The following PAXIP1 variants were observed in gnomAD, a reference collection of about 807,000 sequenced individuals.
PAXIP1 encodes PAX interacting protein 1.
A neutral mutation model predicts 140.6 loss-of-function variants in PAXIP1; 19 were observed. That is an observed-to-expected ratio of 0.14 (90% CI 0.09 to 0.20). The LOEUF (loss-of-function observed/expected upper bound fraction) is 0.20, where lower values mean the gene tolerates loss of function less well. PAXIP1 is among the 10% of genes least tolerant of loss of function. The probability of loss-of-function intolerance (pLI) is 1.00; values close to 1 mark genes in which losing one functional copy is unlikely to be tolerated. For missense variants in PAXIP1, 920 were observed against 1,208.6 expected, an observed-to-expected ratio of 0.76 and a Z score of 3.54; for synonymous variants, 442 against 444.6, an observed-to-expected ratio of 0.99 and a Z score of 0.07.
At chr7:154,984,828 A>G (rs150025001) in intron 4 of PAXIP1, among the ~76,000 whole-genome samples, 4 of 152,322 alleles carry the variant, frequency 2.6e-5, no homozygotes, top group Non-Finnish European at 5.9e-5. Context: ...TATTACCAAG[A>G]TTTGCCTATC....
intron 9 of PAXIP1, 135 bp from the exon 10 acceptor site, chr7:154,962,593 G>T: frequency 1.5e-6 from 1 of 677,702 alleles, no homozygotes; most frequent in Non-Finnish European, 2.4e-6. Flanking sequence ...TCTAGCACTT[G>T]ATTAAAGTAA....
intron 5 of PAXIP1, among the ~76,000 whole-genome samples, chr7:154,982,387 G>A (rs920912380): frequency 4.0e-5 from 6 of 151,774 alleles, no homozygotes; most frequent in Non-Finnish European, 5.9e-5. Flanking sequence ...AGTCTCACTC[G>A]GTCATCCAGA....
At chr7:154,969,304 C>T (rs150480500) in intron 6 of PAXIP1, among the ~76,000 whole-genome samples, 178 bp from the exon 7 acceptor site, 244 of 152,322 alleles carry the variant, frequency 1.6e-3, no homozygotes, top group African/African-American at 5.1e-3. Context: ...TATTTTGTAA[C>T]GCCAATATCG....
intron 16 of PAXIP1, chr7:154,948,262 C>T (rs1257680698): frequency 2.5e-5 from 10 of 408,108 alleles, no homozygotes; most frequent in South Asian, 8.9e-5. Flanking sequence ...TTGAAAAAAA[C>T]GGGCTGGGTG....
intron 8 of PAXIP1, chr7:154,967,569 G>A: frequency 2.1e-6 from 1 of 467,430 alleles, no homozygotes; most frequent in African/African-American, 2.0e-5. Context: ...CATATAATTA[G>A]TGCCCCCTGG....
chr7:154,984,548 C>T (rs2150775054), intron 4 of PAXIP1, among the ~76,000 whole-genome samples: 1 of 152,330 alleles, frequency 6.6e-6, no homozygotes. Context: ...TTCTGTATTA[C>T]ACACTATTCT....
At chr7:154,966,743 A>T (rs893548562) in intron 8 of PAXIP1, among the ~76,000 whole-genome samples, 1 of 151,996 alleles carries the variant, frequency 6.6e-6, no homozygotes. Context: ...CTCCCTGGTC[A>T]CCCTCAGATT....
Position 154,954,565 on chromosome 7 carries a change from TAAAAC to T in PAXIP1, c.2653-147_2653-143del. ...CAGCCACAGAAAACAGTGTGACAGG[TAAAAC>T]AAAACCTGTAACTACAAGAGAAAAA... On this transcript the variant is annotated intron_variant, in intron 15 of 20. Coordinates refer to ENST00000404141, the MANE Select transcript of PAXIP1 (RefSeq NM_007349.4). This position sits in a 1 kb window ranked among gnomAD's most constrained non-coding sequence, Gnocchi z 5.1. 1 of 472,002 alleles carries T rather than the reference TAAAAC, an allele frequency of 2.1e-6. No homozygotes were observed. The highest frequency in any genetic ancestry group is 3.5e-6 in the Non-Finnish European group (1 of 282,816). The allele number at this position is 472,002 out of a possible 1,614,324, so 29.2% of individuals were successfully genotyped here.
chr7:154,962,309 ACT>A lies in PAXIP1; in HGVS notation c.2127+10_2127+11del, dbSNP rs749938883. On this transcript the variant is annotated intron_variant, in intron 10 of 20. Transcript: ENST00000404141. Reference sequence around the variant, plus strand: ...ATGATTTAACAAATGGAACGCGAGGACTCTGTCTTACATGCTGTGAACATGGC... The same window carrying A: ...ATGATTTAACAAATGGAACGCGAGGACTGTCTTACATGCTGTGAACATGGC... 9.9e-6 allele frequency: 16 copies of A among 1,611,282 alleles called. No homozygotes were observed. In the East Asian group the frequency reaches 3.3e-4, roughly 34 times the overall value.
At chr7:154,957,872 CAGG>C (rs1808592297) in intron 13 of PAXIP1, among the ~76,000 whole-genome samples, 1 of 147,790 alleles carries the variant, frequency 6.8e-6, no homozygotes, top group Admixed American at 7.0e-5. Flanking sequence ...GAGGCTGAGG[CAGG>C]AGAATGGCGT....
chr7:154,947,081 G>C (rs1808017358), intron 17 of PAXIP1: 1 of 305,378 alleles, frequency 3.3e-6, no homozygotes, highest in Non-Finnish European at 6.1e-6. Context: ...AAAGTGTTTT[G>C]TGAATAAGCA....
chr7:154,991,065 T>C lies in PAXIP1; in HGVS notation c.265A>G (p.Asn89Asp). Residue 89 changes from asparagine (N) to aspartate (D), a missense_variant, in exon 4 of 21, where the codon AAT becomes GAT. Physicochemically the swap from Asn to Asp is conservative, Grantham distance 23. This residue lies in a region of PAXIP1 where 419 missense variants were observed against 514.7 expected (regional missense o/e 0.81). Transcript: ENST00000404141. Reference protein sequence around the residue: ...SVQCGTLLPVNGFSPESCQIF... With the variant: ...SVQCGTLLPVDGFSPESCQIF... ...TGACATGATTCTGGAGAAAAACCAT[T>C]TACTCTGTTTTATAGTTATTAAGAT... 6.7e-7 allele frequency: 1 copy of C among 1,502,668 alleles called. No homozygotes were observed. Among genetic ancestry groups the C allele is most frequent in the African/African-American group, 1.4e-5 (1 of 71,628 alleles). 93.1% of individuals were successfully genotyped at this position (1,502,668 alleles called of 1,614,324 possible).
At position 154,946,508 on chromosome 7, in the gene PAXIP1, G is replaced by T; in HGVS notation, c.3133+4C>A. On this transcript the variant is annotated splice_donor_region_variant and intron_variant, in intron 19 of 20. Transcript: ENST00000404141. This position sits in a 1 kb window ranked among gnomAD's most constrained non-coding sequence, Gnocchi z 4.9. Reference sequence around the variant, plus strand: ...TACTCACACAGGTAAGCGGGGAAACGTACCTATGCCTCTGGCAAAATATTC... The same window carrying T: ...TACTCACACAGGTAAGCGGGGAAACTTACCTATGCCTCTGGCAAAATATTC... The T allele has an allele frequency of 6.2e-7, 1 of 1,613,344 alleles. No homozygotes were observed.
chr7:154,961,103 T>C (rs1025597247), intron 11 of PAXIP1, 26 bp from the exon 12 acceptor site: 19 of 1,468,302 alleles, frequency 1.3e-5, no homozygotes, highest in Non-Finnish European at 1.6e-5. Context: ...GGAGAAAACA[T>C]ATTTATTAAA....
intron 5 of PAXIP1, among the ~76,000 whole-genome samples, chr7:154,977,393 G>A (rs1450162524): frequency 6.6e-6 from 1 of 152,160 alleles, no homozygotes; most frequent in Non-Finnish European, 1.5e-5. Context: ...AGAGCCCCAA[G>A]GTGGCATTTG....
At chr7:154,999,282 T>C (rs1308041718) in intron 1 of PAXIP1, among the ~76,000 whole-genome samples, 2 of 152,200 alleles carry the variant, frequency 1.3e-5, no homozygotes, top group Non-Finnish European at 2.9e-5. Context: ...ACTGAACAGG[T>C]GAATACAGAG....
chr7:154,957,376 AATCAAACTACTTAAAC>A (rs1180146036), intron 13 of PAXIP1, 82 bp from the exon 14 acceptor site: 2 of 698,588 alleles, frequency 2.9e-6, no homozygotes, highest in African/African-American at 3.6e-5. Context: ...TGTGTCAAAT[AATCAAACTACTTAAAC>A]ATATACAAGA....
chr7:154,953,629 G>C (rs1346198203), intron 16 of PAXIP1, among the ~76,000 whole-genome samples: 1 of 152,106 alleles, frequency 6.6e-6, no homozygotes, highest in African/African-American at 2.4e-5. Context: ...AGGACAGTAA[G>C]GGCACATAGC....
chr7:154,948,125 C>T, intron 16 of PAXIP1, 122 bp from the exon 17 acceptor site: 4 of 706,946 alleles, frequency 5.7e-6, no homozygotes, highest in Non-Finnish European at 1.0e-5. Flanking sequence ...ACCTGTACAG[C>T]CTTCGGATAT....
Sources: gnomAD v4.1 joint callset for allele counts (sites outside exome capture counted in the v4.1 genomes callset) on GRCh38, gnomAD v4.1.1 for gene constraint, gnomAD v4.1.1 regional missense constraint, Gnocchi (gnomAD v3.1) non-coding constraint, MANE v1.5 for transcripts, NCBI Gene and HGNC (gene_info 2026-07-23, HGNC 2026-07-21) for gene names.